The following COL22A1 variants were observed in gnomAD, a reference collection of about 807,000 sequenced individuals.
The protein encoded by COL22A1 is collagen alpha-1(XXII) chain.
A neutral mutation model predicts 248.9 loss-of-function variants in COL22A1; 221 were observed. The observed-to-expected ratio is 0.89, with a 90% CI of 0.80 to 0.99. COL22A1 has a LOEUF of 0.99. COL22A1 is among the 50% of genes least tolerant of loss of function. The pLI is 0.00. For synonymous variants in COL22A1, 891 were observed against 793.4 expected (o/e 1.12, Z -2.07); for missense variants, 2,240 against 2,179.0 (o/e 1.03, Z -0.56).
At chr8:138,838,291 G>A (rs1820588241) in intron 4 of COL22A1, among the ~76,000 whole-genome samples, 1 of 152,154 alleles carries the variant, frequency 6.6e-6, no homozygotes, top group Non-Finnish European at 1.5e-5. Flanking sequence ...CTCTTACTCA[G>A]AGGAGGCTCA....
At chr8:138,627,995 C>T (rs1384822002) in intron 50 of COL22A1, among the ~76,000 whole-genome samples, 2 of 152,022 alleles carry the variant, frequency 1.3e-5, no homozygotes, top group Non-Finnish European at 2.9e-5. Context: ...AGATAAGATA[C>T]CTACAAAAGG....
intron 21 of COL22A1, among the ~76,000 whole-genome samples, chr8:138,753,323 T>G (rs1481281867): frequency 6.6e-6 from 1 of 152,222 alleles, no homozygotes; most frequent in Non-Finnish European, 1.5e-5. Context: ...TCTTATAGTC[T>G]TGGGCCTCTC....
At chr8:138,659,571 T>G (rs1335209191) in intron 44 of COL22A1, among the ~76,000 whole-genome samples, 1 of 152,164 alleles carries the variant, frequency 6.6e-6, no homozygotes, top group Non-Finnish European at 1.5e-5. Flanking sequence ...GACTCATCTC[T>G]CTCTCCATCC....
intron 41 of COL22A1, among the ~76,000 whole-genome samples, chr8:138,676,282 G>A (rs187980875): frequency 0.019 from 2,410 of 125,226 alleles, 24 homozygotes; most frequent in Non-Finnish European, 0.022. Flanking sequence ...TGTAATCTCC[G>A]TTACTCGGGA....
chr8:138,698,449 G>T (rs1827692975), intron 32 of COL22A1, among the ~76,000 whole-genome samples: 1 of 152,224 alleles, frequency 6.6e-6, no homozygotes, highest in South Asian at 2.1e-4. Context: ...TAGGAGGCTT[G>T]GTTGCAGCAG....
chr8:138,839,812 ACTT>A (rs1335905074), intron 4 of COL22A1, among the ~76,000 whole-genome samples: 2 of 152,216 alleles, frequency 1.3e-5, no homozygotes, highest in East Asian at 1.9e-4. Flanking sequence ...AAGTAGCTAA[ACTT>A]CTAGAAAAGT....
At chr8:138,645,316 C>T (rs1822105223) in intron 47 of COL22A1, among the ~76,000 whole-genome samples, 1 of 152,076 alleles carries the variant, frequency 6.6e-6, no homozygotes, top group African/African-American at 2.4e-5. Context: ...TGTAAGTCTC[C>T]CATAAAGGGA....
chr8:138,833,541 T>C (rs1820211584), intron 4 of COL22A1, among the ~76,000 whole-genome samples: 1 of 152,230 alleles, frequency 6.6e-6, no homozygotes, highest in Admixed American at 6.5e-5. Context: ...ACTCACGGCT[T>C]TCCTTCCTGC....
At chr8:138,788,199 C>T (rs1226996274) in intron 12 of COL22A1, among the ~76,000 whole-genome samples, 1 of 152,178 alleles carries the variant, frequency 6.6e-6, no homozygotes, top group South Asian at 2.1e-4. Flanking sequence ...CTAAATCAGA[C>T]ATTCTGGGAG....
intron 3 of COL22A1, among the ~76,000 whole-genome samples, chr8:138,866,984 G>T (rs1478595722): frequency 6.6e-6 from 1 of 152,100 alleles, no homozygotes; most frequent in Non-Finnish European, 1.5e-5. Context: ...CCTATCCAAG[G>T]GCACCTTGGG....
At chr8:138,663,211 G>A (rs1384437598) in intron 42 of COL22A1, among the ~76,000 whole-genome samples, 1 of 152,174 alleles carries the variant, frequency 6.6e-6, no homozygotes, top group Non-Finnish European at 1.5e-5. Context: ...TGTCATGGAT[G>A]GTTGCTGCTC....
chr8:138,650,163 C>A (rs372891677), intron 45 of COL22A1, among the ~76,000 whole-genome samples: 4 of 152,254 alleles, frequency 2.6e-5, no homozygotes, highest in African/African-American at 7.2e-5. Context: ...CTAAAAATAG[C>A]ATGCTCTGTC....
chr8:138,728,008 G>C (rs1830450058), intron 23 of COL22A1, among the ~76,000 whole-genome samples: 1 of 152,114 alleles, frequency 6.6e-6, no homozygotes, highest in Non-Finnish European at 1.5e-5. Context: ...CACTCCAGAG[G>C]CACATTCCAG....
At chr8:138,728,150 A>G (rs1586587826) in intron 23 of COL22A1, among the ~76,000 whole-genome samples, 2 of 152,238 alleles carry the variant, frequency 1.3e-5, no homozygotes, top group South Asian at 4.2e-4. Context: ...CTCCTGCCTC[A>G]GCCTCCTGAG....
chr8:138,673,084 G>A (rs192940263), intron 41 of COL22A1, among the ~76,000 whole-genome samples: 80 of 152,322 alleles, frequency 5.3e-4, no homozygotes, highest in Admixed American at 9.1e-4. Context: ...TGGTGACAGT[G>A]CAGAGATTGG....
intron 56 of COL22A1, among the ~76,000 whole-genome samples, 199 bp from the exon 57 acceptor site, chr8:138,608,188 T>A (rs1457247208): frequency 6.6e-6 from 1 of 152,252 alleles, no homozygotes; most frequent in African/African-American, 2.4e-5. Context: ...TAATTCATAA[T>A]ATTGTTGTGA....
intron 8 of COL22A1, 90 bp from the exon 9 acceptor site, chr8:138,812,011 C>T (rs1563797051): frequency 7.1e-7 from 1 of 1,402,992 alleles, no homozygotes; most frequent in Non-Finnish European, 9.5e-7. Flanking sequence ...TTCCTCAGAA[C>T]CAGGCAGCCA....
At chr8:138,784,414 C>G (rs1237156726) in intron 12 of COL22A1, among the ~76,000 whole-genome samples, 1 of 152,184 alleles carries the variant, frequency 6.6e-6, no homozygotes, top group Admixed American at 6.5e-5. Context: ...AGCATGCTGT[C>G]ACGGCAGGTG....
chr8:138,771,361 G>A (rs1041926165), intron 16 of COL22A1, among the ~76,000 whole-genome samples: 1 of 152,218 alleles, frequency 6.6e-6, no homozygotes, highest in African/African-American at 2.4e-5. Context: ...AACCAGAAAT[G>A]AGGAGTTTCT....
Sources: allele counts gnomAD v4.1 joint callset (sites outside exome capture counted in the v4.1 genomes callset), GRCh38; gene constraint gnomAD v4.1.1; transcripts MANE v1.5; gene names NCBI Gene and HGNC (gene_info 2026-07-23, HGNC 2026-07-21).